FAM13A: variants seen among roughly 807,000 people sequenced by gnomAD.
FAM13A encodes family with sequence similarity 13 member A, also known as protein FAM13A.
In FAM13A, 76 loss-of-function variants were observed where a neutral mutation model predicts 129.6. That is an observed-to-expected ratio of 0.59 (90% CI 0.49 to 0.71). The LOEUF (loss-of-function observed/expected upper bound fraction) is 0.71. FAM13A is among the 30% of genes least tolerant of loss of function. FAM13A has a pLI of 0.00. For missense variants in FAM13A, 1,108 were observed against 1,249.3 expected (o/e 0.89, Z 1.70); for synonymous variants, 443 against 449.9 (o/e 0.98, Z 0.20).
At chr4:88,836,054 T>A (rs1734753921) in intron 7 of FAM13A, among the ~76,000 whole-genome samples, 1 of 152,158 alleles carries the variant, frequency 6.6e-6, no homozygotes, top group South Asian at 2.1e-4. Context: ...CTAGAAAAAA[T>A]TTAAAAATAT....
chr4:88,962,196 G>A (rs565491180), intron 4 of FAM13A, among the ~76,000 whole-genome samples: 1 of 151,744 alleles, frequency 6.6e-6, no homozygotes, highest in East Asian at 1.9e-4. Context: ...ATGTCACAGA[G>A]GATATTTGAG....
At chr4:88,873,755 GAAA>G (rs1363017753) in intron 6 of FAM13A, among the ~76,000 whole-genome samples, 1 of 151,672 alleles carries the variant, frequency 6.6e-6, no homozygotes, top group Non-Finnish European at 1.5e-5. Context: ...TATTCCAATA[GAAA>G]AAGAGGGAAT....
At chr4:88,793,905 C>A (rs1430572213) in intron 8 of FAM13A, among the ~76,000 whole-genome samples, 2 of 151,922 alleles carry the variant, frequency 1.3e-5, no homozygotes, top group Non-Finnish European at 2.9e-5. Flanking sequence ...TAACAATTCA[C>A]CCTTAACAAA....
chr4:88,758,973 C>G (rs1263043903), intron 13 of FAM13A, 72 bp from the exon 14 acceptor site: 5 of 1,502,326 alleles, frequency 3.3e-6, no homozygotes, highest in Non-Finnish European at 4.6e-6. Context: ...AGCAATTCCA[C>G]TCCTTCAGGA....
rs1722787997 is a variant in FAM13A at position 88,781,228 on chromosome 4, C to T, written c.1395G>A (p.Lys465=). The change falls in exon 11 of 24, where the codon AAG becomes AAA. Residue 465 remains lysine, a synonymous_variant. Transcript: ENST00000264344. ...NTFGCAGERS[K]PKRQKSSTKL... ...TAGTACTGGATTTCTGACGTTTAGG[C>T]TTGCTCCTTTCTCCAGCACAACCAA... is the stretch of plus-strand genomic sequence containing the variant. 8 of 1,612,710 alleles carry T rather than the reference C, an allele frequency of 5.0e-6. No individual in the cohort carries two copies. The highest frequency in any genetic ancestry group is 5.1e-6 in the Non-Finnish European group (6 of 1,179,300).
chr4:88,890,476 C>G (rs1014844655), intron 6 of FAM13A, among the ~76,000 whole-genome samples: 5 of 152,154 alleles, frequency 3.3e-5, no homozygotes, highest in African/African-American at 1.2e-4. Context: ...TGGAAAGACT[C>G]AACACCTCAA....
chr4:88,845,547 G>C (rs537915531), intron 7 of FAM13A, among the ~76,000 whole-genome samples: 13 of 152,070 alleles, frequency 8.5e-5, no homozygotes, highest in African/African-American at 2.9e-4. Context: ...ACAGGAAATA[G>C]AATTTTCAAG....
At chr4:88,997,856 C>T (rs1763765470) in intron 3 of FAM13A, among the ~76,000 whole-genome samples, 1 of 152,142 alleles carries the variant, frequency 6.6e-6, no homozygotes, top group African/African-American at 2.4e-5. Flanking sequence ...GTAGCTTCCC[C>T]CCTCCCTCTG....
intron 6 of FAM13A, among the ~76,000 whole-genome samples, chr4:88,871,902 C>T (rs939850537): frequency 8.5e-5 from 13 of 152,284 alleles, no homozygotes; most frequent in East Asian, 1.9e-4. Flanking sequence ...AGAGAAAGGT[C>T]GGGTTACCCA....
rs569176240 is a variant in FAM13A, at chr4:88,937,822, A to T, written c.759+266T>A. 8.0e-6 allele frequency: 4 copies of T among 502,186 alleles called. No individual in the cohort carries two copies. In the Admixed American group the frequency reaches 1.4e-4, roughly 18 times the overall value. 31.1% of individuals were successfully genotyped at this position (502,186 alleles called of 1,614,324 possible). On this transcript the variant is annotated intron_variant, in intron 5 of 23. Transcript: ENST00000264344. ...GTAGTAAAGGTGGTGCGGCCAGTTG[A>T]TCAGAGCACTGGGCTCATGCAAGTG...
chr4:88,753,697 A>G (rs1016969884), intron 14 of FAM13A: 6 of 640,790 alleles, frequency 9.4e-6, no homozygotes, highest in African/African-American at 4.0e-5. Flanking sequence ...GAGTTATAAA[A>G]TGACATGTAA....
chr4:88,876,159 G>A (rs777581819), intron 6 of FAM13A, among the ~76,000 whole-genome samples: 2 of 152,154 alleles, frequency 1.3e-5, no homozygotes, highest in Non-Finnish European at 2.9e-5. Context: ...GGGGCTGGGG[G>A]AGGGATAGCA....
intron 4 of FAM13A, chr4:88,990,730 C>T (rs911727498): frequency 2.5e-5 from 9 of 365,348 alleles, no homozygotes; most frequent in South Asian, 1.1e-4. Context: ...AACTTATTTC[C>T]AGATTTTTAA....
At chr4:88,760,010 G>T (rs1244078305) in intron 13 of FAM13A, among the ~76,000 whole-genome samples, 3 of 152,096 alleles carry the variant, frequency 2.0e-5, no homozygotes, top group Admixed American at 2.0e-4. Context: ...TTTTCTTTAG[G>T]AATAGCTAGA....
chr4:88,731,694 T>C, intron 22 of FAM13A: 1 of 525,326 alleles, frequency 1.9e-6, no homozygotes. Flanking sequence ...ATATTTTTCT[T>C]TGAAAGAAAG....
chr4:88,960,137 C>A (rs1419758590), intron 4 of FAM13A, among the ~76,000 whole-genome samples: 1 of 152,168 alleles, frequency 6.6e-6, no homozygotes, highest in Non-Finnish European at 1.5e-5. Context: ...CACTGAAGGG[C>A]AATTCCCATG....
intron 5 of FAM13A, among the ~76,000 whole-genome samples, chr4:88,925,553 T>C: frequency 1.5e-5 from 1 of 67,238 alleles, no homozygotes; most frequent in African/African-American, 6.2e-5. Flanking sequence ...TGGGGACTGT[T>C]GTGGGGTGGG....
chr4:88,847,557 A>G (rs1465440110), intron 7 of FAM13A, among the ~76,000 whole-genome samples: 1 of 152,196 alleles, frequency 6.6e-6, no homozygotes, highest in African/African-American at 2.4e-5. Flanking sequence ...TCTCAGAAAT[A>G]CTGATTCATT....
At chr4:88,768,353 T>C (rs571447216) in intron 11 of FAM13A, 6 of 201,908 alleles carry the variant, frequency 3.0e-5, no homozygotes, top group Non-Finnish European at 6.0e-5. Flanking sequence ...ATTGGAAAGC[T>C]AAATAGCAAA....
Sources: gnomAD v4.1 joint callset for allele counts (sites outside exome capture counted in the v4.1 genomes callset) on GRCh38, gnomAD v4.1.1 for gene constraint, MANE v1.5 for transcripts, NCBI Gene and HGNC (gene_info 2026-07-23, HGNC 2026-07-21) for gene names.